The following CAMTA1 variants were observed in gnomAD, a reference collection of about 807,000 sequenced individuals.
The protein encoded by CAMTA1 is calmodulin binding transcription activator 1.
CAMTA1 carries 27 observed loss-of-function variants against 170.9 expected under a neutral mutation model. That is an observed-to-expected ratio of 0.16 (90% CI 0.12 to 0.22). The LOEUF (loss-of-function observed/expected upper bound fraction) is 0.22, where lower values mean the gene tolerates loss of function less well. Among genes scored for constraint, CAMTA1 ranks in the 10% least tolerant of loss-of-function variants. The probability of loss-of-function intolerance (pLI) is 1.00; values close to 1 mark genes in which losing one functional copy is unlikely to be tolerated. For synonymous variants in CAMTA1, 833 were observed against 891.5 expected (o/e 0.93, Z 1.17); for missense variants, 1,619 against 2,217.2 (o/e 0.73, Z 5.42).
At chr1:7,091,979 C>T (rs1307176390) in intron 4 of CAMTA1, among the ~76,000 whole-genome samples, 2 of 152,190 alleles carry the variant, frequency 1.3e-5, no homozygotes, top group Admixed American at 6.5e-5. Context: ...ATCTTGTGAA[C>T]GGTGATGTTG....
chr1:7,672,242 G>A, intron 10 of CAMTA1: 2 of 363,310 alleles, frequency 5.5e-6, no homozygotes, highest in South Asian at 4.1e-5. Context: ...GTACAGAGCT[G>A]GCCAGTGCTA....
In CAMTA1 at chr1:7,532,191, C is replaced by A. The variant is rs1322971508; in HGVS notation, c.510+64290C>A. Among the ~76,000 whole-genome samples, 3 of 152,210 alleles carry A rather than the reference C, an allele frequency of 2.0e-5. No individual in the cohort carries two copies. The highest frequency in any genetic ancestry group is 4.8e-5 in the African/African-American group (2 of 41,474). On this transcript the variant is annotated intron_variant, in intron 6 of 22. Coordinates refer to ENST00000303635, the MANE Select transcript of CAMTA1 (RefSeq NM_015215.4). This position sits in a 1 kb window ranked among gnomAD's most constrained non-coding sequence, Gnocchi z 4.2. ...GGACGTCTCCATTGAGCCAGTCCTT[C>A]CTGTGTGGCCTTCGGATTCTTGGTG... is the stretch of plus-strand genomic sequence containing the variant.
chr1:7,002,566 T>C (rs545675040), intron 3 of CAMTA1, among the ~76,000 whole-genome samples: 1 of 152,356 alleles, frequency 6.6e-6, no homozygotes, highest in Admixed American at 6.5e-5. Context: ...AAGCCATTGA[T>C]AGAAATGACC....
intron 5 of CAMTA1, among the ~76,000 whole-genome samples, chr1:7,375,331 C>G (rs946001721): frequency 6.6e-6 from 1 of 152,086 alleles, no homozygotes; most frequent in Non-Finnish European, 1.5e-5. Context: ...CAAGGATTAC[C>G]CAACCCAGCC....
chr1:7,534,101 C>T lies in CAMTA1; in HGVS notation c.510+66200C>T, dbSNP rs141066549. Among the ~76,000 whole-genome samples the T allele has an allele frequency of 3.1e-3, 466 of 152,284 alleles. 1 individual carries two copies. Among genetic ancestry groups the T allele is most frequent in the Non-Finnish European group, 4.8e-3 (324 of 68,018 alleles). ...GCTCATGGGACTCCTGAGGCCCCTC[C>T]CATCACCGGTCACCCCGCCCGCCAG... is the stretch of plus-strand genomic sequence containing the variant. On this transcript the variant is annotated intron_variant, in intron 6 of 22. Coordinates refer to ENST00000303635, the MANE Select transcript of CAMTA1 (RefSeq NM_015215.4). This position sits in a 1 kb window ranked among gnomAD's most constrained non-coding sequence, Gnocchi z 5.6.
rs185017266 is a variant in CAMTA1 at position 7,301,467 on chromosome 1, G to C, written c.438+51841G>C. 5.3e-3 allele frequency among the ~76,000 whole-genome samples: 805 copies of C among 152,328 alleles called. 9 individuals carry two copies. The highest frequency in any genetic ancestry group is 0.018 in the African/African-American group (736 of 41,576). The stretch of plus-strand genomic sequence containing the variant: ...GTCTTATAGTTTCCCAGCCCTTGTT[G>C]ATGACTGAGGGGCTTTGCCCGTGGG... On this transcript the variant is annotated intron_variant, in intron 5 of 22. Transcript: ENST00000303635.
intron 11 of CAMTA1, among the ~76,000 whole-genome samples, chr1:7,678,787 G>A (rs2096152102): frequency 6.6e-6 from 1 of 152,186 alleles, no homozygotes; most frequent in Non-Finnish European, 1.5e-5. Context: ...CCCTTGCAGG[G>A]GTGGGTTCTC....
At chr1:6,852,029 A>AG (rs1660574257) in intron 3 of CAMTA1, among the ~76,000 whole-genome samples, 1 of 151,296 alleles carries the variant, frequency 6.6e-6, no homozygotes, top group African/African-American at 2.4e-5. Context: ...AAAAAAAAAA[A>AG]GTAACCAGAG....
rs1489287567 is a variant in CAMTA1 at position 6,970,668 on chromosome 1, C to G, written c.235-120636C>G. ...TTAGGAATGTGATCGATGTGCATAT[C>G]AGAAGCACAGGGGGCTACTAGAGCA... On this transcript the variant is annotated intron_variant, in intron 3 of 22. Coordinates refer to ENST00000303635, the MANE Select transcript of CAMTA1 (RefSeq NM_015215.4). This position sits in a 1 kb window ranked among gnomAD's most constrained non-coding sequence, Gnocchi z 4.4. Among the ~76,000 whole-genome samples the G allele has an allele frequency of 6.6e-6, 1 of 152,180 alleles. No homozygotes were observed. Among genetic ancestry groups the G allele is most frequent in the African/African-American group, 2.4e-5 (1 of 41,454 alleles).
At chr1:6,949,580 C>A (rs1323717955) in intron 3 of CAMTA1, among the ~76,000 whole-genome samples, 1 of 152,212 alleles carries the variant, frequency 6.6e-6, no homozygotes, top group Non-Finnish European at 1.5e-5. Flanking sequence ...ATTCACCCAT[C>A]CAATCCCCCT....
chr1:6,972,666 G>C (rs1692748662), intron 3 of CAMTA1, among the ~76,000 whole-genome samples: 1 of 152,182 alleles, frequency 6.6e-6, no homozygotes, highest in Non-Finnish European at 1.5e-5. Context: ...GTGCTGATTA[G>C]AGGGGCCAAA....
intron 15 of CAMTA1, 95 bp downstream of exon 15, chr1:7,737,665 A>G: frequency 8.3e-7 from 1 of 1,207,120 alleles, no homozygotes; most frequent in South Asian, 1.6e-5. Flanking sequence ...ATAGTCACAT[A>G]CATTTCAGTT....
chr1:7,245,175 C>G (rs1382982299), intron 4 of CAMTA1, among the ~76,000 whole-genome samples: 1 of 118,348 alleles, frequency 8.4e-6, no homozygotes, highest in African/African-American at 3.8e-5. Flanking sequence ...ATTATTTAGC[C>G]AAGATATATA....
intron 5 of CAMTA1, among the ~76,000 whole-genome samples, chr1:7,458,173 T>C (rs2093005657): frequency 6.6e-6 from 1 of 152,188 alleles, no homozygotes; most frequent in Non-Finnish European, 1.5e-5. Flanking sequence ...CCAACCTTCA[T>C]GGCCAGACTG....
intron 3 of CAMTA1, among the ~76,000 whole-genome samples, chr1:6,904,485 A>G (rs550746520): frequency 4.6e-5 from 7 of 151,200 alleles, no homozygotes; most frequent in African/African-American, 1.5e-4. Flanking sequence ...TTATCTGCCA[A>G]TGACACCCAC....
intron 4 of CAMTA1, among the ~76,000 whole-genome samples, chr1:7,196,886 C>T (rs1013439407): frequency 2.6e-5 from 4 of 152,152 alleles, no homozygotes; most frequent in Non-Finnish European, 2.9e-5. Context: ...TTTCAGTCCT[C>T]GGTTGTAATG....
rs17031321 is a variant in CAMTA1 at position 7,673,825 on chromosome 1, C to T, written c.2779+2788C>T. 0.02 allele frequency among the ~76,000 whole-genome samples: 3,083 copies of T among 152,314 alleles called. 110 individuals are homozygous for T. Among genetic ancestry groups the T allele is most frequent in the African/African-American group, 0.07 (2,892 of 41,556 alleles). On this transcript the variant is annotated intron_variant, in intron 10 of 22. Transcript: ENST00000303635. The surrounding 1 kb of genome is among the most constrained non-coding windows in gnomAD (Gnocchi z 4.6). The stretch of plus-strand genomic sequence containing the variant: ...ATTCATTTCTTCATTTGCCAAATAA[C>T]TTTTGAGTAGCCCCTGCTTGCTCTG...
At chr1:7,528,973 T>C (rs1450933582) in intron 6 of CAMTA1, among the ~76,000 whole-genome samples, 1 of 100,560 alleles carries the variant, frequency 9.9e-6, no homozygotes, top group Non-Finnish European at 1.9e-5. Context: ...CAGTAACTAG[T>C]CATGCCAGTA....
At chr1:6,997,677 T>TTTTTTG (rs1697511666) in intron 3 of CAMTA1, among the ~76,000 whole-genome samples, 1 of 149,750 alleles carries the variant, frequency 6.7e-6, no homozygotes, top group African/African-American at 2.5e-5. Context: ...TTTTTTTTTT[T>TTTTTTG]GAGACAGAGT....
Sources: gnomAD v4.1 joint callset for allele counts (sites outside exome capture counted in the v4.1 genomes callset) on GRCh38, gnomAD v4.1.1 for gene constraint, Gnocchi (gnomAD v3.1) non-coding constraint, MANE v1.5 for transcripts, NCBI Gene and HGNC (gene_info 2026-07-23, HGNC 2026-07-21) for gene names.